The following TCF12 variants were observed in gnomAD, a reference collection of about 807,000 sequenced individuals.
TCF12 encodes the protein DNA-binding protein HTF4.
A neutral mutation model predicts 86.0 loss-of-function variants in TCF12; 45 were observed. The ratio of observed to expected loss-of-function variants is 0.52; its 90% CI spans 0.41 to 0.67. The LOEUF (loss-of-function observed/expected upper bound fraction) is 0.67. Among genes scored for constraint, TCF12 ranks in the 30% least tolerant of loss-of-function variants. The probability of loss-of-function intolerance (pLI) is 0.00; values close to 1 mark genes in which losing one functional copy is unlikely to be tolerated. For synonymous variants in TCF12, 330 were observed against 299.6 expected (o/e 1.10, Z -1.05); for missense variants, 881 against 859.9 (o/e 1.02, Z -0.31).
rs1380191840 is a variant in TCF12 at position 57,286,885 on chromosome 15, C to G, written c.*740C>G. 1 of 326,228 alleles carries G rather than the reference C, an allele frequency of 3.1e-6. No homozygotes were observed. Among genetic ancestry groups the G allele is most frequent in the African/African-American group, 2.2e-5 (1 of 46,188 alleles). The allele number at this position is 326,228 out of a possible 1,614,324, so 20.2% of individuals were successfully genotyped here. ...TCACAGTCCAGCCTCCTCCGTGCAG[C>G]CCTGTGTGCTTTGCACATTTACCTT... is the stretch of plus-strand genomic sequence containing the variant. On this transcript the variant is annotated 3_prime_UTR_variant, in exon 21 of 21. Coordinates refer to ENST00000333725, the MANE Select transcript of TCF12 (RefSeq NM_207037.2).
chr15:56,992,701 CT>C (rs1365025066), intron 3 of TCF12, among the ~76,000 whole-genome samples: 1 of 152,176 alleles, frequency 6.6e-6, no homozygotes, highest in Non-Finnish European at 1.5e-5. Flanking sequence ...GTCATAAAAG[CT>C]GTTTAGCCAA....
At chr15:57,233,380 G>A (rs554816733) in intron 11 of TCF12, among the ~76,000 whole-genome samples, 1 of 151,624 alleles carries the variant, frequency 6.6e-6, no homozygotes, top group African/African-American at 2.4e-5. Context: ...GTCTCATTAT[G>A]TGGCCGGGGC....
intron 5 of TCF12, among the ~76,000 whole-genome samples, chr15:57,131,524 A>C (rs1314278172): frequency 1.3e-5 from 2 of 152,220 alleles, no homozygotes; most frequent in African/African-American, 4.8e-5. Context: ...ATGCTTCTGT[A>C]AACCAAAGGA....
At chr15:56,968,592 A>G (rs1182243876) in intron 3 of TCF12, among the ~76,000 whole-genome samples, 1 of 152,200 alleles carries the variant, frequency 6.6e-6, no homozygotes, top group Admixed American at 6.5e-5. Context: ...AAACATGGCT[A>G]TTTGGTTTGT....
rs1166717968 is a variant in TCF12, at chr15:57,224,875, T to C, written c.580-6277T>C. 2.0e-5 allele frequency among the ~76,000 whole-genome samples: 3 copies of C among 152,192 alleles called. No homozygotes were observed. In the East Asian group the frequency reaches 5.8e-4, roughly 29 times the overall value. ...TTTATAATACCTGTGGTTTCAGTTC[T>C]TGTGGTATTTTTACTGGAACTATCT... On this transcript the variant is annotated intron_variant, in intron 8 of 20. Coordinates refer to ENST00000333725, the MANE Select transcript of TCF12 (RefSeq NM_207037.2).
At chr15:57,228,747 T>C (rs774643970) in intron 8 of TCF12, among the ~76,000 whole-genome samples, 1 of 133,256 alleles carries the variant, frequency 7.5e-6, no homozygotes, top group Non-Finnish European at 1.8e-5. Flanking sequence ...TTTAAAAATG[T>C]AAGTATATTA....
intron 3 of TCF12, among the ~76,000 whole-genome samples, chr15:57,061,946 T>A (rs1318835003): frequency 6.6e-6 from 1 of 151,914 alleles, no homozygotes; most frequent in African/African-American, 2.4e-5. Context: ...ACTGGAGAGA[T>A]GGTAACAGTG....
intron 3 of TCF12, among the ~76,000 whole-genome samples, chr15:57,046,407 A>C (rs1200304248): frequency 6.6e-6 from 1 of 152,132 alleles, no homozygotes; most frequent in Non-Finnish European, 1.5e-5. Context: ...GAAGGACATC[A>C]GTTAGATTCA....
At chr15:57,257,679 G>GTATATATATATA (rs55834033) in intron 16 of TCF12, among the ~76,000 whole-genome samples, 8 of 140,372 alleles carry the variant, frequency 5.7e-5, no homozygotes, top group Non-Finnish European at 9.1e-5. Flanking sequence ...AAAAAAAAGT[G>GTATATATATATA]TATATATATA....
chr15:57,276,414 A>G (rs1242760750), intron 19 of TCF12, among the ~76,000 whole-genome samples: 1 of 152,232 alleles, frequency 6.6e-6, no homozygotes, highest in Non-Finnish European at 1.5e-5. Flanking sequence ...ACCCACAAGG[A>G]CAGATGAGAG....
chr15:57,212,568 A>G (rs1001325185), intron 8 of TCF12, among the ~76,000 whole-genome samples: 1 of 152,138 alleles, frequency 6.6e-6, no homozygotes, highest in African/African-American at 2.4e-5. Flanking sequence ...ATGAGCCACC[A>G]TACCCTGCCT....
chr15:56,999,176 T>C (rs1436441770), intron 3 of TCF12, among the ~76,000 whole-genome samples: 4 of 147,782 alleles, frequency 2.7e-5, no homozygotes, highest in Non-Finnish European at 6.0e-5. Context: ...CCAGCCTGGG[T>C]GACAGAGTGA....
At position 56,919,949 on chromosome 15, in the gene TCF12, G is replaced by A. The variant is rs1408415461; in HGVS notation, c.36G>A (p.Gly12=). The change falls in exon 2 of 21, where the codon GGG becomes GGA. Residue 12 remains glycine, a synonymous_variant. Transcript: ENST00000333725. ...NPQQQRMAAI[G]TDKELSDLLD... ...AGCAACAACGCATGGCCGCTATAGG[G>A]ACCGACAAGGAGCTGAGCGACCTAC... 6.2e-7 allele frequency: 1 copy of A among 1,614,096 alleles called. No individual in the cohort carries two copies. The highest frequency in any genetic ancestry group is 8.5e-7 in the Non-Finnish European group (1 of 1,180,010).
intron 3 of TCF12, among the ~76,000 whole-genome samples, chr15:57,043,662 T>G (rs569694829): frequency 6.6e-6 from 1 of 152,222 alleles, no homozygotes; most frequent in Non-Finnish European, 1.5e-5. Flanking sequence ...TTTAAGTCAG[T>G]AGAATTTTAG....
chr15:57,055,352 G>T (rs1385523603), intron 3 of TCF12, among the ~76,000 whole-genome samples: 1 of 152,154 alleles, frequency 6.6e-6, no homozygotes, highest in East Asian at 1.9e-4. Flanking sequence ...AGTGAGCTCA[G>T]ATCGCGCCAC....
At chr15:57,208,255 A>G (rs2057934392) in intron 8 of TCF12, among the ~76,000 whole-genome samples, 1 of 151,376 alleles carries the variant, frequency 6.6e-6, no homozygotes, top group Non-Finnish European at 1.5e-5. Flanking sequence ...GCTGGTCTTG[A>G]ACTCCTGACC....
At chr15:57,274,807 C>A (rs1186572464) in intron 19 of TCF12, among the ~76,000 whole-genome samples, 3 of 152,200 alleles carry the variant, frequency 2.0e-5, no homozygotes, top group Non-Finnish European at 4.4e-5. Context: ...TATTCTAGTA[C>A]ACAGCACCTT....
chr15:56,945,048 C>T (rs1258531398), intron 3 of TCF12, among the ~76,000 whole-genome samples: 3 of 152,114 alleles, frequency 2.0e-5, no homozygotes, highest in African/African-American at 7.2e-5. Flanking sequence ...ATAGGTCTTA[C>T]ACTCATTTTG....
At chr15:56,924,965 G>A (rs552408014) in intron 3 of TCF12, among the ~76,000 whole-genome samples, 9 of 152,266 alleles carry the variant, frequency 5.9e-5, no homozygotes, top group East Asian at 1.9e-4. Context: ...TTGGGAGGCC[G>A]AGGTGGGTGG....
Sources: gnomAD v4.1 joint callset for allele counts (sites outside exome capture counted in the v4.1 genomes callset) on GRCh38, gnomAD v4.1.1 for gene constraint, MANE v1.5 for transcripts, NCBI Gene and HGNC (gene_info 2026-07-23, HGNC 2026-07-21) for gene names.